DAB1: variants seen among roughly 807,000 people sequenced by gnomAD.
DAB1 encodes the protein disabled homolog 1.
A neutral mutation model predicts 64.6 loss-of-function variants in DAB1; 15 were observed. The ratio of observed to expected loss-of-function variants is 0.23; its 90% CI spans 0.16 to 0.36. The LOEUF is 0.36. Among genes scored for constraint, DAB1 ranks in the 10% least tolerant of loss-of-function variants. DAB1 has a pLI of 1.00. For synonymous variants in DAB1, 235 were observed against 251.9 expected, an observed-to-expected ratio of 0.93 and a Z score of 0.64; for missense variants, 596 against 706.7, an observed-to-expected ratio of 0.84 and a Z score of 1.78.
chr1:57,142,947 C>T (rs1214138697), intron 3 of DAB1, among the ~76,000 whole-genome samples: 3 of 152,158 alleles, frequency 2.0e-5, no homozygotes, highest in Non-Finnish European at 2.9e-5. Flanking sequence ...TGCCAGACTT[C>T]ATATTCATTG....
rs1649404473 is a variant in DAB1, at chr1:57,768,206, G to A, written n.551+115793C>T. Among the ~76,000 whole-genome samples, 4 of 148,812 alleles carry A rather than the reference G, an allele frequency of 2.7e-5. No individual in the cohort carries two copies. In the South Asian group the frequency reaches 8.6e-4, roughly 32 times the overall value. ...AAAAAAAAAAAAAAAAAGTTGAGGT[G>A]CTACATCCATGCTCCCTGAATTCAG... On this transcript the variant is annotated intron_variant and non_coding_transcript_variant, in intron 6 of 20. Transcript: ENST00000485760.
chr1:57,701,185 C>T (rs1646903407), intron 6 of DAB1, among the ~76,000 whole-genome samples: 1 of 151,926 alleles, frequency 6.6e-6, no homozygotes, highest in African/African-American at 2.4e-5. Context: ...ACCATTTGAC[C>T]CAGCCATCCC....
intron 2 of DAB1, among the ~76,000 whole-genome samples, chr1:57,226,007 C>T (rs529093524): frequency 1.3e-5 from 2 of 152,212 alleles, no homozygotes; most frequent in South Asian, 4.1e-4. Flanking sequence ...AACACCTCTC[C>T]TCTTGGCCTC....
intron 2 of DAB1, among the ~76,000 whole-genome samples, chr1:57,229,613 T>C (rs1667524815): frequency 6.6e-6 from 1 of 152,210 alleles, no homozygotes; most frequent in South Asian, 2.1e-4. Flanking sequence ...TCTATAATCA[T>C]CTGTATGCTT....
intron 9 of DAB1, among the ~76,000 whole-genome samples, chr1:57,048,122 A>T (rs1000599977): frequency 6.6e-6 from 1 of 152,218 alleles, no homozygotes; most frequent in African/African-American, 2.4e-5. Flanking sequence ...GAATACACTG[A>T]GGCACAAAGA....
chr1:58,240,121 C>T (rs1660223866), intron 4 of DAB1, among the ~76,000 whole-genome samples: 1 of 152,166 alleles, frequency 6.6e-6, no homozygotes. Context: ...GTGGCTGGTA[C>T]TGCCACACTG....
chr1:58,316,657 G>A (rs1010825104), intron 4 of DAB1, among the ~76,000 whole-genome samples: 1 of 152,096 alleles, frequency 6.6e-6, no homozygotes, highest in Admixed American at 6.5e-5. Flanking sequence ...TGGGCAAGAA[G>A]GAAACAACCT....
rs564840683 is a variant in DAB1 at position 58,484,551 on chromosome 1, A to G, written n.257+21509T>C. Among the ~76,000 whole-genome samples the G allele has an allele frequency of 3.3e-5, 5 of 152,278 alleles. No individual in the cohort carries two copies. The South Asian group carries it at 1.0e-3, about 32-fold the overall frequency. ...CAGAATCCTTAGAAAATATCAGCTCAATTTTACAGATGAGGAAACTGAGTC... is the reference window on the plus strand; with the variant it reads ...CAGAATCCTTAGAAAATATCAGCTCGATTTTACAGATGAGGAAACTGAGTC... On this transcript the variant is annotated intron_variant and non_coding_transcript_variant, in intron 3 of 20. Transcript: ENST00000485760.
chr1:58,321,542 C>G (rs1288607082), intron 4 of DAB1, among the ~76,000 whole-genome samples: 1 of 152,236 alleles, frequency 6.6e-6, no homozygotes, highest in Non-Finnish European at 1.5e-5. Context: ...CCTGGAAAAT[C>G]GGGACACTCC....
intron 14 of DAB1, among the ~76,000 whole-genome samples, chr1:57,007,713 C>T (rs1327784752): frequency 6.6e-6 from 1 of 152,130 alleles, no homozygotes; most frequent in African/African-American, 2.4e-5. Flanking sequence ...TAAAAAACAG[C>T]TGGTGATAAT....
chr1:57,866,502 G>C (rs914720956), intron 1 of DAB1: 1 of 152,144 alleles, frequency 6.6e-6, no homozygotes, highest in Non-Finnish European at 1.5e-5. Context: ...TTCTTCTATG[G>C]AGACAGAATT....
At chr1:57,985,178 G>T (rs911604572) in intron 5 of DAB1, among the ~76,000 whole-genome samples, 47 of 152,070 alleles carry the variant, frequency 3.1e-4, no homozygotes, top group African/African-American at 1.1e-3. Flanking sequence ...AAAGTGCTGG[G>T]GTCGCAGGTG....
chr1:58,456,976 G>C (rs1326502209), intron 3 of DAB1, among the ~76,000 whole-genome samples: 1 of 152,114 alleles, frequency 6.6e-6, no homozygotes, highest in Non-Finnish European at 1.5e-5. Flanking sequence ...ATCTCAGAAA[G>C]ACTAAGAAAC....
At chr1:58,541,293 C>CAAAA (rs71043292) in intron 1 of DAB1, among the ~76,000 whole-genome samples, 8 of 27,566 alleles carry the variant, frequency 2.9e-4, no homozygotes, top group Non-Finnish European at 5.4e-4. Flanking sequence ...GACTCTGTCT[C>CAAAA]AAAAAAAAAA....
rs186137776 is a variant in DAB1, at chr1:57,784,295, G to C, written n.551+99704C>G. On this transcript the variant is annotated intron_variant and non_coding_transcript_variant, in intron 6 of 20. Transcript: ENST00000485760. ...TGTGGTCTCAGCTACACAGGAGTCTGAGGTGGGAGGATCACTTGAGCCTGG... is the reference window on the plus strand; with the variant it reads ...TGTGGTCTCAGCTACACAGGAGTCTCAGGTGGGAGGATCACTTGAGCCTGG... 4.2e-3 allele frequency among the ~76,000 whole-genome samples: 647 copies of C among 152,244 alleles called. 1 individual carries two copies. Among genetic ancestry groups the C allele is most frequent in the Non-Finnish European group, 6.9e-3 (472 of 68,024 alleles).
chr1:57,888,906 C>T (rs184886878), upstream of DAB1, among the ~76,000 whole-genome samples: 309 of 152,312 alleles, frequency 2.0e-3, no homozygotes, highest in Non-Finnish European at 3.1e-3. Flanking sequence ...GATTCTCCTA[C>T]ACTCACTCCT....
chr1:57,809,354 T>C (rs1278655151), intron 6 of DAB1, among the ~76,000 whole-genome samples: 2 of 152,338 alleles, frequency 1.3e-5, no homozygotes, highest in East Asian at 3.9e-4. Flanking sequence ...AAATGCTTTG[T>C]CATCACTATC....
chr1:57,412,505 AAAC>A (rs1684188234), intron 1 of DAB1, among the ~76,000 whole-genome samples: 1 of 152,240 alleles, frequency 6.6e-6, no homozygotes, highest in African/African-American at 2.4e-5. Context: ...TTCTCAGGGC[AAAC>A]AAGATATAGA....
At chr1:58,221,014 T>A (rs1258836982) in intron 4 of DAB1, among the ~76,000 whole-genome samples, 4 of 112,038 alleles carry the variant, frequency 3.6e-5, no homozygotes, top group African/African-American at 6.0e-5. Context: ...TTTTTTTTTT[T>A]ACCCCAGGGA....
Sources: gnomAD v4.1 joint callset for allele counts (sites outside exome capture counted in the v4.1 genomes callset) on GRCh38, gnomAD v4.1.1 for gene constraint, MANE v1.5 for transcripts, NCBI Gene and HGNC (gene_info 2026-07-23, HGNC 2026-07-21) for gene names.